SLC30A9: variants seen among roughly 807,000 people sequenced by gnomAD.
The protein encoded by SLC30A9 is proton-coupled zinc antiporter SLC30A9, mitochondrial.
A neutral mutation model predicts 87.5 loss-of-function variants in SLC30A9; 58 were observed. The ratio of observed to expected loss-of-function variants is 0.66; its 90% confidence interval spans 0.54 to 0.82. The LOEUF (loss-of-function observed/expected upper bound fraction) is 0.82, where lower values mean the gene tolerates loss of function less well. Among genes scored for constraint, SLC30A9 ranks in the 40% least tolerant of loss-of-function variants. SLC30A9 has a pLI of 0.00. For missense variants in SLC30A9, 557 were observed against 679.1 expected, an observed-to-expected ratio of 0.82 and a Z score of 2.00; for synonymous variants, 234 against 233.0, an observed-to-expected ratio of 1.00 and a Z score of -0.04.
At chr4:42,073,720 C>T (rs1718408269) in intron 15 of SLC30A9, among the ~76,000 whole-genome samples, 1 of 152,196 alleles carries the variant, frequency 6.6e-6, no homozygotes, top group Non-Finnish European at 1.5e-5. Flanking sequence ...TGGCAGCTTG[C>T]TTAATCAAAG....
chr4:42,024,799 C>G (rs934919789), intron 6 of SLC30A9, among the ~76,000 whole-genome samples: 2 of 152,190 alleles, frequency 1.3e-5, no homozygotes, highest in Non-Finnish European at 2.9e-5. Context: ...TTGAATATCT[C>G]TGACTACTAC....
intron 1 of SLC30A9, among the ~76,000 whole-genome samples, chr4:41,992,232 T>C (rs373244904): frequency 5.3e-5 from 8 of 151,678 alleles, no homozygotes; most frequent in African/African-American, 1.9e-4. Flanking sequence ...TAGCCTGTAC[T>C]CAGGAGGCTG....
chr4:42,039,904 A>G (rs1045014094), intron 8 of SLC30A9, among the ~76,000 whole-genome samples: 1 of 75,864 alleles, frequency 1.3e-5, no homozygotes, highest in African/African-American at 2.7e-5. Flanking sequence ...ATATATGTAA[A>G]ATATGTATCA....
At chr4:42,021,771 A>G (rs1715957872) in intron 4 of SLC30A9, among the ~76,000 whole-genome samples, 1 of 151,500 alleles carries the variant, frequency 6.6e-6, no homozygotes, top group South Asian at 2.1e-4. Context: ...TTTTTTTGAG[A>G]CAGGGTCTCA....
intron 17 of SLC30A9, among the ~76,000 whole-genome samples, chr4:42,082,077 C>T (rs575919912): frequency 3.9e-5 from 6 of 151,988 alleles, no homozygotes; most frequent in Non-Finnish European, 7.4e-5. Context: ...ATTAGCCGGG[C>T]GTGGTGGCAG....
chr4:42,033,493 A>G (rs899867544), intron 6 of SLC30A9, among the ~76,000 whole-genome samples: 6 of 152,298 alleles, frequency 3.9e-5, no homozygotes, highest in African/African-American at 1.4e-4. Context: ...ATTTAAAAAT[A>G]AAAATAATAT....
rs559350845 is a variant in SLC30A9 at position 42,012,637 on chromosome 4, T to C, written c.275-5474T>C. ...ACATTCTGTAAGTTATTTTAAAATA[T>C]ACAATTAAGTTATTACTGACTATAG... On this transcript the variant is annotated intron_variant, in intron 2 of 17. Coordinates refer to ENST00000264451, the MANE Select transcript of SLC30A9 (RefSeq NM_006345.4). 1.5e-4 allele frequency among the ~76,000 whole-genome samples: 23 copies of C among 152,318 alleles called. No homozygotes were observed. The East Asian group carries it at 2.7e-3, about 18-fold the overall frequency.
intron 1 of SLC30A9, among the ~76,000 whole-genome samples, chr4:41,993,921 C>T (rs1714571787): frequency 6.6e-6 from 1 of 152,090 alleles, no homozygotes; most frequent in South Asian, 2.1e-4. Context: ...CTTTGGGAGG[C>T]CGAGGTAGGG....
chr4:42,055,718 A>G (rs1717584869), intron 9 of SLC30A9, among the ~76,000 whole-genome samples: 1 of 152,248 alleles, frequency 6.6e-6, no homozygotes, highest in South Asian at 2.1e-4. Flanking sequence ...GCAAGTGTTT[A>G]GAAGAAGACA....
intron 1 of SLC30A9, among the ~76,000 whole-genome samples, chr4:41,992,208 C>G (rs552093274): frequency 6.6e-6 from 1 of 151,756 alleles, no homozygotes; most frequent in Non-Finnish European, 1.5e-5. Context: ...TTTGGTGACG[C>G]GCGCCTGTAA....
intron 6 of SLC30A9, among the ~76,000 whole-genome samples, chr4:42,028,353 T>C (rs1330085867): frequency 1.3e-5 from 2 of 152,202 alleles, no homozygotes; most frequent in Non-Finnish European, 2.9e-5. Flanking sequence ...TCTCCTGATC[T>C]TGTGATCCTC....
At chr4:42,038,126 A>C (rs959857661) in intron 7 of SLC30A9, among the ~76,000 whole-genome samples, 1 of 152,062 alleles carries the variant, frequency 6.6e-6, no homozygotes, top group Non-Finnish European at 1.5e-5. Context: ...CAGGTTGTGG[A>C]TCCTGGCTCC....
At chr4:41,993,838 A>G (rs1032905771) in intron 1 of SLC30A9, among the ~76,000 whole-genome samples, 1 of 152,180 alleles carries the variant, frequency 6.6e-6, no homozygotes. Flanking sequence ...TGGGCTGGTG[A>G]TGTATACAAC....
At chr4:42,060,521 A>T (rs1717802006) in intron 10 of SLC30A9, among the ~76,000 whole-genome samples, 1 of 152,104 alleles carries the variant, frequency 6.6e-6, no homozygotes, top group Non-Finnish European at 1.5e-5. Context: ...ACATATTTTG[A>T]TCTTAGAGGT....
chr4:42,086,856 T>C lies in SLC30A9; in HGVS notation c.*730T>C, dbSNP rs186897412. 344 of 152,584 alleles carry C rather than the reference T, an allele frequency of 2.3e-3. 2 individuals carry two copies. The highest frequency in any genetic ancestry group is 3.9e-3 in the Non-Finnish European group (267 of 68,028). The allele number at this position is 152,584 out of a possible 1,614,324, so 9.5% of individuals were successfully genotyped here. On this transcript the variant is annotated 3_prime_UTR_variant, in exon 18 of 18. Coordinates refer to ENST00000264451, the MANE Select transcript of SLC30A9 (RefSeq NM_006345.4). ...TTAATTTTTCTAATGTTAGGAGATA[T>C]AGTCCTAGATATTTCCATGGGCCAG...
chr4:42,051,045 A>G (rs770278112), intron 9 of SLC30A9, among the ~76,000 whole-genome samples: 9 of 152,202 alleles, frequency 5.9e-5, no homozygotes, highest in Non-Finnish European at 7.4e-5. Flanking sequence ...GTGAGCATCA[A>G]TCTGGGCAGA....
At chr4:42,041,320 C>G (rs1716914088) in intron 8 of SLC30A9, among the ~76,000 whole-genome samples, 1 of 152,072 alleles carries the variant, frequency 6.6e-6, no homozygotes, top group Non-Finnish European at 1.5e-5. Flanking sequence ...GAATCTCACT[C>G]TGTCGCCAGG....
intron 6 of SLC30A9, chr4:42,029,322 C>A: frequency 1.9e-6 from 1 of 526,830 alleles, no homozygotes; most frequent in Non-Finnish European, 3.8e-6. Context: ...TCATTCTATT[C>A]TACATAATAT....
At chr4:42,040,764 C>T (rs1212067231) in intron 8 of SLC30A9, among the ~76,000 whole-genome samples, 1 of 143,786 alleles carries the variant, frequency 7.0e-6, no homozygotes, top group African/African-American at 2.6e-5. Flanking sequence ...CCACTGCACT[C>T]CAGTCTGGGC....
Sources: gnomAD v4.1 joint callset for allele counts (sites outside exome capture counted in the v4.1 genomes callset) on GRCh38, gnomAD v4.1.1 for gene constraint, MANE v1.5 for transcripts, NCBI Gene and HGNC (gene_info 2026-07-23, HGNC 2026-07-21) for gene names.